The following PIK3CA variants were observed in gnomAD, a reference collection of about 807,000 sequenced individuals.
The protein encoded by PIK3CA is phosphatidylinositol-4,5-bisphosphate 3-kinase catalytic subunit alpha.
In PIK3CA, 27 loss-of-function variants were observed where a neutral mutation model predicts 138.2. That is an observed-to-expected ratio of 0.20 (90% confidence interval 0.14 to 0.27). The LOEUF is 0.27. Among genes scored for constraint, PIK3CA ranks in the 10% least tolerant of loss-of-function variants. PIK3CA has a pLI of 1.00. For missense variants in PIK3CA, 544 were observed against 1,277.4 expected, an observed-to-expected ratio of 0.43 and a Z score of 8.75; for synonymous variants, 358 against 413.2, an observed-to-expected ratio of 0.87 and a Z score of 1.62.
chr3:179,152,105 C>T lies in PIK3CA; in HGVS notation c.-77+3502C>T, dbSNP rs1041080905. On this transcript the variant is annotated intron_variant, in intron 1 of 20. Transcript: ENST00000263967. The stretch of plus-strand genomic sequence containing the variant: ...TTTAAAACATGTAGTGATTCATAAG[C>T]ACCAGTTTTTATTCTTGCCAATTTC... 6.6e-5 allele frequency among the ~76,000 whole-genome samples: 10 copies of T among 152,264 alleles called. No individual in the cohort carries two copies. The East Asian group carries it at 1.5e-3, about 23-fold the overall frequency.
chr3:179,160,614 C>T (rs1723252516), intron 1 of PIK3CA, among the ~76,000 whole-genome samples: 1 of 152,194 alleles, frequency 6.6e-6, no homozygotes, highest in Admixed American at 6.5e-5. Context: ...TTGATATACA[C>T]ACGTGTGCAC....
chr3:179,163,033 C>T (rs1340035249), intron 1 of PIK3CA, among the ~76,000 whole-genome samples: 4 of 152,110 alleles, frequency 2.6e-5, no homozygotes, highest in South Asian at 2.1e-4. Context: ...GAGTTGAATA[C>T]TGGCATACAC....
At chr3:179,186,315 T>C (rs1366731304) in intron 1 of PIK3CA, among the ~76,000 whole-genome samples, 2 of 152,232 alleles carry the variant, frequency 1.3e-5, no homozygotes, top group African/African-American at 4.8e-5. Context: ...ATGTACCCTT[T>C]TGTTTCTTTC....
chr3:179,197,692 GC>G (rs1259427876), intron 1 of PIK3CA, among the ~76,000 whole-genome samples: 4 of 152,026 alleles, frequency 2.6e-5, no homozygotes, highest in Non-Finnish European at 5.9e-5. Context: ...GGTTATCTGG[GC>G]CTTTTTGATT....
chr3:179,204,974 T>G (rs112463450), intron 6 of PIK3CA, among the ~76,000 whole-genome samples: 1 of 129,874 alleles, frequency 7.7e-6, no homozygotes, highest in Non-Finnish European at 1.5e-5. Context: ...TGAGCTGAGA[T>G]TGTGCCATTG....
At chr3:179,172,460 A>G (rs544354807) in intron 1 of PIK3CA, among the ~76,000 whole-genome samples, 1 of 151,472 alleles carries the variant, frequency 6.6e-6, no homozygotes, top group African/African-American at 2.4e-5. Context: ...GATGGCATTT[A>G]TACAGAAAGT....
intron 1 of PIK3CA, among the ~76,000 whole-genome samples, chr3:179,185,399 G>C (rs1723951059): frequency 6.6e-6 from 1 of 152,172 alleles, no homozygotes; most frequent in South Asian, 2.1e-4. Flanking sequence ...AATCAACACA[G>C]AAGACTTCTG....
Position 179,221,696 on chromosome 3 carries a change from CT to C in PIK3CA, c.2187+568del, listed in dbSNP as rs200211358. Among the ~76,000 whole-genome samples the C allele has an allele frequency of 6.2e-3, 481 of 77,580 alleles. 1 individual carries two copies. Among genetic ancestry groups the C allele is most frequent in the Non-Finnish European group, 8.3e-3 (349 of 41,876 alleles). 50.9% of individuals were successfully genotyped at this position (77,580 alleles called of 152,430 possible). On this transcript the variant is annotated intron_variant, in intron 14 of 20. Coordinates refer to ENST00000263967, the MANE Select transcript of PIK3CA (RefSeq NM_006218.4). ...CTAAGAGTAGGAAATACAATGTAAA[CT>C]TTTTTTTTTTTTTTTTTTTTTTTTT...
chr3:179,222,017 CT>C (rs1391301179), intron 14 of PIK3CA, among the ~76,000 whole-genome samples: 1 of 151,802 alleles, frequency 6.6e-6, no homozygotes, highest in Non-Finnish European at 1.5e-5. Context: ...CCAATGTAAA[CT>C]TTTTTATGAC....
chr3:179,218,502 A>G (rs1366230963), intron 10 of PIK3CA, among the ~76,000 whole-genome samples, 168 bp downstream of exon 10: 4 of 152,036 alleles, frequency 2.6e-5, no homozygotes, highest in African/African-American at 9.7e-5. Flanking sequence ...ATGGTTGTAA[A>G]TTGATATTTG....
rs766896653 is a variant in PIK3CA, at chr3:179,199,018, G to A, written c.193G>A (p.Glu65Lys). Reference sequence around the variant, plus strand: ...CCCCCTCCATCAACTTCTTCAAGATGAATCTTCTTACATTTTCGTAAGTGT... The same window carrying A: ...CCCCCTCCATCAACTTCTTCAAGATAAATCTTCTTACATTTTCGTAAGTGT... Reference protein sequence around the residue: ...KYPLHQLLQDESSYIFVSVTQ... With the variant: ...KYPLHQLLQDKSSYIFVSVTQ... The change falls in exon 2 of 21, where the codon GAA becomes AAA. Residue 65 changes from glutamate (E) to lysine (K), a missense_variant. By Grantham distance (56) the Glu-to-Lys change is moderately conservative (BLOSUM62 1). This residue lies in a region of PIK3CA where 47 missense variants were observed against 84.0 expected (regional missense o/e 0.56). Transcript: ENST00000263967. 6.2e-7 allele frequency: 1 copy of A among 1,613,462 alleles called. No individual in the cohort carries two copies. Among genetic ancestry groups the A allele is most frequent in the Non-Finnish European group, 8.5e-7 (1 of 1,179,764 alleles).
At position 179,220,142 on chromosome 3, in the gene PIK3CA, T is replaced by C. The variant is rs903828736; in HGVS notation, c.2015+90T>C. On this transcript the variant is annotated intron_variant, in intron 13 of 20. Transcript: ENST00000263967. This position sits in a 1 kb window ranked among gnomAD's most constrained non-coding sequence, Gnocchi z 4.1. Reference sequence around the variant, plus strand: ...ATAAATATGTATTACTTATATACTTTTGTTTATGTTTGGCTGGAAGAGTTT... The same window carrying C: ...ATAAATATGTATTACTTATATACTTCTGTTTATGTTTGGCTGGAAGAGTTT... The C allele has an allele frequency of 1.0e-6, 1 of 1,002,456 alleles. No individual in the cohort carries two copies. Among genetic ancestry groups the C allele is most frequent in the Non-Finnish European group, 1.4e-6 (1 of 724,998 alleles). 62.1% of individuals were successfully genotyped at this position (1,002,456 alleles called of 1,614,324 possible). A position where few individuals can be genotyped will look rare whatever the true frequency, so the allele number is the denominator to read the frequency against.
At position 179,239,043 on chromosome 3, in the gene PIK3CA, T is replaced by C. The variant is rs1312806807; in HGVS notation, c.*4679T>C. 1 of 216,920 alleles carries C rather than the reference T, an allele frequency of 4.6e-6. No homozygotes were observed. The highest frequency in any genetic ancestry group is 9.3e-6 in the Non-Finnish European group (1 of 107,978). 13.4% of individuals were successfully genotyped at this position (216,920 alleles called of 1,614,324 possible). ...AGCATAAAGTGACAGGTGTGAGCCATGAGGAAATTTTCTGACTTAATTTGT... is the reference window on the plus strand; with the variant it reads ...AGCATAAAGTGACAGGTGTGAGCCACGAGGAAATTTTCTGACTTAATTTGT... On this transcript the variant is annotated 3_prime_UTR_variant, in exon 21 of 21. Coordinates refer to ENST00000263967, the MANE Select transcript of PIK3CA (RefSeq NM_006218.4).
chr3:179,157,860 T>C (rs1296086321), intron 1 of PIK3CA, among the ~76,000 whole-genome samples: 5 of 152,176 alleles, frequency 3.3e-5, no homozygotes, highest in African/African-American at 9.6e-5. Context: ...TTTAACCTGC[T>C]AAATATTCTC....
At chr3:179,187,468 G>T (rs1238674984) in intron 1 of PIK3CA, among the ~76,000 whole-genome samples, 2 of 145,966 alleles carry the variant, frequency 1.4e-5, no homozygotes, top group African/African-American at 5.1e-5. Context: ...AACCCGGGAG[G>T]TGGAGGTTGC....
intron 1 of PIK3CA, among the ~76,000 whole-genome samples, chr3:179,153,657 G>A (rs1469152689): frequency 6.6e-6 from 1 of 152,076 alleles, no homozygotes; most frequent in East Asian, 1.9e-4. Context: ...CCAGTGTTTT[G>A]GATAAGGGAT....
intron 14 of PIK3CA, among the ~76,000 whole-genome samples, chr3:179,222,430 T>C (rs1163872289): frequency 6.6e-6 from 1 of 152,174 alleles, no homozygotes; most frequent in African/African-American, 2.4e-5. Flanking sequence ...TATTTATATA[T>C]TGTAACTGAG....
intron 9 of PIK3CA, among the ~76,000 whole-genome samples, chr3:179,213,437 C>A (rs1297897903): frequency 6.6e-6 from 1 of 152,196 alleles, no homozygotes; most frequent in Non-Finnish European, 1.5e-5. Flanking sequence ...AAGGCTTCAG[C>A]AAGTTGTAAT....
At chr3:179,201,600 AG>A in intron 4 of PIK3CA, 60 bp downstream of exon 4, 1 of 975,050 alleles carries the variant, frequency 1.0e-6, no homozygotes, top group Non-Finnish European at 1.5e-6. Context: ...ATTGAGGATG[AG>A]TATCTGTATT....
Sources: allele counts gnomAD v4.1 joint callset (sites outside exome capture counted in the v4.1 genomes callset), GRCh38; gene constraint gnomAD v4.1.1; regional missense constraint gnomAD v4.1.1; non-coding constraint Gnocchi (gnomAD v3.1); transcripts MANE v1.5; gene names NCBI Gene and HGNC (gene_info 2026-07-23, HGNC 2026-07-21).